The following SORCS3 variants were observed in gnomAD, a reference collection of about 807,000 sequenced individuals.
The protein encoded by SORCS3 is VPS10 domain-containing receptor SorCS3.
A neutral mutation model predicts 146.3 loss-of-function variants in SORCS3; 57 were observed. That is an observed-to-expected ratio of 0.39 (90% CI 0.31 to 0.49). SORCS3 has a LOEUF of 0.49. SORCS3 is among the 20% of genes least tolerant of loss of function. The probability of loss-of-function intolerance (pLI) is 0.92; values close to 1 mark genes in which losing one functional copy is unlikely to be tolerated. For synonymous variants in SORCS3, 653 were observed against 618.5 expected (o/e 1.06, Z -0.83); for missense variants, 1,341 against 1,575.5 (o/e 0.85, Z 2.52).
intron 1 of SORCS3, among the ~76,000 whole-genome samples, chr10:104,712,089 A>G (rs1017068535): frequency 1.3e-5 from 2 of 152,190 alleles, no homozygotes; most frequent in African/African-American, 4.8e-5. Context: ...CCAGATAATA[A>G]CAACAATCAA....
intron 1 of SORCS3, among the ~76,000 whole-genome samples, chr10:104,722,657 C>G (rs942089582): frequency 1.3e-5 from 2 of 152,252 alleles, no homozygotes; most frequent in East Asian, 1.9e-4. Flanking sequence ...AATTTCAGAG[C>G]CTGTTATTGG....
At chr10:104,968,566 C>T (rs1405668449) in intron 3 of SORCS3, among the ~76,000 whole-genome samples, 1 of 152,186 alleles carries the variant, frequency 6.6e-6, no homozygotes, top group African/African-American at 2.4e-5. Context: ...CACTGCAGTT[C>T]TCATGTCAGG....
intron 7 of SORCS3, among the ~76,000 whole-genome samples, chr10:105,136,162 C>T (rs573318089): frequency 2.4e-4 from 36 of 152,200 alleles, no homozygotes; most frequent in African/African-American, 5.5e-4. Context: ...ATTATTTAGA[C>T]GACATAGTTT....
intron 1 of SORCS3, among the ~76,000 whole-genome samples, chr10:104,790,246 C>T (rs1415361642): frequency 6.6e-6 from 1 of 152,148 alleles, no homozygotes; most frequent in Non-Finnish European, 1.5e-5. Context: ...AGCGCATTAA[C>T]TTAGGGCAGA....
chr10:105,021,307 T>G lies in SORCS3; in HGVS notation c.955-21748T>G, dbSNP rs187832064. 1.4e-3 allele frequency among the ~76,000 whole-genome samples: 213 copies of G among 152,242 alleles called. 3 individuals carry two copies. Among genetic ancestry groups the G allele is most frequent in the Admixed American group, 0.013 (198 of 15,284 alleles). On this transcript the variant is annotated intron_variant, in intron 4 of 26. Transcript: ENST00000369701. ...CAAGAGAGAGCAAGAAATCAAACTC[T>G]CAGCCTTAAGCCCTTGTATGATCTA...
chr10:104,878,072 G>A (rs1236776267), intron 2 of SORCS3, among the ~76,000 whole-genome samples: 5 of 152,030 alleles, frequency 3.3e-5, no homozygotes, highest in Non-Finnish European at 7.4e-5. Flanking sequence ...TTCTTCAATT[G>A]CATTTGTTTA....
intron 5 of SORCS3, among the ~76,000 whole-genome samples, chr10:105,076,850 C>T (rs988092811): frequency 6.6e-6 from 1 of 152,170 alleles, no homozygotes; most frequent in Non-Finnish European, 1.5e-5. Context: ...AGTTGTCCAG[C>T]TGTCTTTAGG....
intron 1 of SORCS3, among the ~76,000 whole-genome samples, chr10:104,773,172 G>A (rs1426363814): frequency 6.6e-6 from 1 of 152,202 alleles, no homozygotes; most frequent in Non-Finnish European, 1.5e-5. Context: ...AGGCTGGAGA[G>A]GTGACAGTCA....
At chr10:105,134,503 A>T (rs968019527) in intron 7 of SORCS3, among the ~76,000 whole-genome samples, 4 of 151,496 alleles carry the variant, frequency 2.6e-5, no homozygotes, top group Admixed American at 2.0e-4. Flanking sequence ...TTCCAAGATA[A>T]TGCCTTGAAT....
At chr10:105,214,322 G>A in intron 17 of SORCS3, 120 bp from the exon 18 acceptor site, 1 of 1,088,276 alleles carries the variant, frequency 9.2e-7, no homozygotes, top group Non-Finnish European at 1.4e-6. Flanking sequence ...GGGCCGCTGT[G>A]TGAAGCACCT....
intron 4 of SORCS3, among the ~76,000 whole-genome samples, chr10:105,013,780 C>A (rs2055148317): frequency 6.6e-6 from 1 of 151,974 alleles, no homozygotes; most frequent in African/African-American, 2.4e-5. Flanking sequence ...CAATACAAAT[C>A]AATCAAAATT....
chr10:104,853,698 G>A (rs536240046), intron 2 of SORCS3, among the ~76,000 whole-genome samples: 9 of 152,310 alleles, frequency 5.9e-5, no homozygotes, highest in South Asian at 4.1e-4. Flanking sequence ...CCTGTTGTTC[G>A]TATCTATGCA....
intron 1 of SORCS3, among the ~76,000 whole-genome samples, chr10:104,790,635 G>C (rs1166565861): frequency 6.6e-6 from 1 of 152,142 alleles, no homozygotes; most frequent in African/African-American, 2.4e-5. Context: ...ATGATTATTT[G>C]TGTCCATGTT....
chr10:104,895,024 C>T (rs982066563), intron 2 of SORCS3, among the ~76,000 whole-genome samples: 1 of 152,124 alleles, frequency 6.6e-6, no homozygotes, highest in African/African-American at 2.4e-5. Flanking sequence ...GCAGCTAATA[C>T]TGCAGGCAGC....
At position 105,178,176 on chromosome 10, in the gene SORCS3, G is replaced by C; in HGVS notation, c.2009+3G>C. 6.2e-7 allele frequency: 1 copy of C among 1,603,450 alleles called. No homozygotes were observed. The highest frequency in any genetic ancestry group is 8.5e-7 in the Non-Finnish European group (1 of 1,172,516). On this transcript the variant is annotated splice_donor_region_variant and intron_variant, in intron 14 of 26. Coordinates refer to ENST00000369701, the MANE Select transcript of SORCS3 (RefSeq NM_014978.3). ...GGAATGGAGACCCACATCATGACGT[G>C]AGTACTTCTTTTGCTGTGACAGGAA...
intron 6 of SORCS3, among the ~76,000 whole-genome samples, chr10:105,097,458 C>T (rs562167923): frequency 1.3e-5 from 2 of 151,986 alleles, no homozygotes; most frequent in Non-Finnish European, 2.9e-5. Context: ...AGTCACAGAC[C>T]GACAGACAGA....
intron 1 of SORCS3, among the ~76,000 whole-genome samples, chr10:104,648,501 A>G (rs1180499492): frequency 2.6e-5 from 4 of 152,176 alleles, no homozygotes; most frequent in Non-Finnish European, 5.9e-5. Context: ...AGATTTAGGA[A>G]TAGATTCTTT....
At chr10:104,843,233 A>T (rs1286751000) in intron 2 of SORCS3, among the ~76,000 whole-genome samples, 6 of 152,028 alleles carry the variant, frequency 3.9e-5, no homozygotes, top group African/African-American at 1.4e-4. Flanking sequence ...TGGCCAAAGG[A>T]CTGCCTCCAG....
intron 7 of SORCS3, among the ~76,000 whole-genome samples, chr10:105,112,861 A>G (rs530022900): frequency 3.9e-5 from 6 of 152,278 alleles, no homozygotes; most frequent in South Asian, 2.1e-4. Flanking sequence ...TTTCATGACT[A>G]TAGAGATTTG....
Sources: allele counts gnomAD v4.1 joint callset (sites outside exome capture counted in the v4.1 genomes callset), GRCh38; gene constraint gnomAD v4.1.1; transcripts MANE v1.5; gene names NCBI Gene and HGNC (gene_info 2026-07-23, HGNC 2026-07-21).